The following IL13RA1 variants were observed in gnomAD, a reference collection of about 807,000 sequenced individuals.
The protein encoded by IL13RA1 is interleukin-13 receptor subunit alpha-1.
Under a neutral mutation model 33.8 loss-of-function variants are expected in IL13RA1, and 14 were observed. The ratio of observed to expected loss-of-function variants is 0.41; its 90% confidence interval spans 0.27 to 0.65. The LOEUF is 0.65. IL13RA1 is among the 30% of genes least tolerant of loss of function. The pLI is 0.28. For missense variants in IL13RA1, 313 were observed against 327.0 expected (o/e 0.96, Z 0.33); for synonymous variants, 116 against 115.7 (o/e 1.00, Z -0.02).
At chrX:118,803,878 CT>C in the IL13RA1 span, among the ~76,000 whole-genome samples, 1 of 89,414 alleles carries the variant, frequency 1.1e-5, no homozygotes, top group Non-Finnish European at 2.2e-5. Context: ...TCCTTCCTTC[CT>C]TCCTTCCTTC....
intron 10 of IL13RA1, among the ~76,000 whole-genome samples, chrX:118,784,149 G>GTATA (rs1569459460): frequency 1.5e-4 from 6 of 41,330 alleles, no homozygotes; most frequent in African/African-American, 5.0e-4. Flanking sequence ...ATATATATAC[G>GTATA]TATATACACA....
chrX:118,780,022 A>G (rs770990536), intron 10 of IL13RA1, among the ~76,000 whole-genome samples: 1 of 112,234 alleles, frequency 8.9e-6, no homozygotes, highest in Non-Finnish European at 1.9e-5. Flanking sequence ...TATACTGACA[A>G]TATGGACCAT....
the IL13RA1 span, among the ~76,000 whole-genome samples, chrX:118,803,249 TA>T: frequency 8.9e-6 from 1 of 112,365 alleles, no homozygotes; most frequent in African/African-American, 3.2e-5. Flanking sequence ...TATGGTGGAT[TA>T]AAAAAATATT....
intron 9 of IL13RA1, among the ~76,000 whole-genome samples, chrX:118,776,059 A>G (rs1252381262): frequency 9.0e-6 from 1 of 111,425 alleles, no homozygotes; most frequent in Non-Finnish European, 1.9e-5. Context: ...AATGGAGAGA[A>G]GTAGGAAGGA....
chrX:118,768,542 G>T (rs772852518), intron 8 of IL13RA1, among the ~76,000 whole-genome samples: 31 of 112,379 alleles, frequency 2.8e-4, no homozygotes, highest in Non-Finnish European at 4.7e-4. Context: ...ATGTTCGTAG[G>T]TTCCAACCCC....
chrX:118,740,362 C>G (rs888622108), intron 1 of IL13RA1, among the ~76,000 whole-genome samples: 1 of 112,183 alleles, frequency 8.9e-6, no homozygotes, highest in Non-Finnish European at 1.9e-5. Flanking sequence ...TCACTCTTCT[C>G]TATGGAAGTG....
intron 1 of IL13RA1, among the ~76,000 whole-genome samples, chrX:118,728,063 C>T (rs1285362282): frequency 8.9e-6 from 1 of 112,604 alleles, no homozygotes. Context: ...GCGGGGGGCC[C>T]GAAACATGCC....
chrX:118,798,182 ACTTCT>A (rs1171557964), downstream of IL13RA1, among the ~76,000 whole-genome samples: 5 of 111,593 alleles, frequency 4.5e-5, no homozygotes, highest in African/African-American at 1.6e-4. Flanking sequence ...ACATACTCAC[ACTTCT>A]CTTCCAAAAA....
Position 118,773,888 on chromosome X carries a change from G to T in IL13RA1, c.1019G>T (p.Arg340Leu), listed in dbSNP as rs777442248. Residue 340 changes from arginine (R) to leucine (L), a missense_variant, in exon 9 of 11, where the codon CGC (arginine) becomes CTC (leucine). Coordinates refer to ENST00000371666, the MANE Select transcript of IL13RA1 (RefSeq NM_001560.3). Reference sequence around the variant, plus strand: ...GCTTTTCATTCTCCAGGTAAGAAGCGCAATTCCACACTCTACATAACCATG... The same window carrying T: ...GCTTTTCATTCTCCAGGTAAGAAGCTCAATTCCACACTCTACATAACCATG... ...WSQEMSIGKK[R>L]NSTLYITMLL... is the part of the protein sequence containing the mutation. 4.0e-6 allele frequency: 4 copies of T among 992,554 alleles called. No homozygotes were observed. The highest frequency in any genetic ancestry group is 5.7e-6 in the Non-Finnish European group (4 of 697,484). The allele number at this position is 992,554 out of a possible 1,213,427, so 81.8% of individuals were successfully genotyped here. A position where few individuals can be genotyped will look rare whatever the true frequency, so the allele number is the denominator to read the frequency against.
intron 9 of IL13RA1, among the ~76,000 whole-genome samples, 183 bp downstream of exon 9, chrX:118,774,158 T>C (rs923216806): frequency 1.9e-5 from 2 of 107,621 alleles, no homozygotes; most frequent in Non-Finnish European, 3.8e-5. Flanking sequence ...TTTTCTTTTT[T>C]TTTTTTTTTT....
rs1200223891 is a variant in IL13RA1, at chrX:118,784,090, A to ATATATATATATATAT, written c.1191+7579_1191+7580insTATATATATATATAT. Among the ~76,000 whole-genome samples, 233 of 63,799 alleles carry ATATATATATATATAT rather than the reference A, an allele frequency of 3.7e-3. 6 individuals carry two copies. The highest frequency in any genetic ancestry group is 4.8e-3 in the Non-Finnish European group (189 of 39,323). 55.4% of individuals were successfully genotyped at this position (63,799 alleles called of 115,157 possible). On this transcript the variant is annotated intron_variant, in intron 10 of 10. Transcript: ENST00000371666. ...AGACTCTGTCGCCAAAAAAAAAAAA[A>ATATATATATATATAT]ATATATATATATATATATACGTATA...
rs139927088 is a variant in IL13RA1, at chrX:118,773,887, C to T, written c.1018C>T (p.Arg340Cys). The T allele has an allele frequency of 6.3e-4, 619 of 983,530 alleles. 4 individuals carry two copies. In the Middle Eastern group the frequency reaches 0.016, roughly 25 times the overall value. 81.1% of individuals were successfully genotyped at this position (983,530 alleles called of 1,213,427 possible). A position where few individuals can be genotyped will look rare whatever the true frequency, so the allele number is the denominator to read the frequency against. ...TGCTTTTCATTCTCCAGGTAAGAAG[C>T]GCAATTCCACACTCTACATAACCAT... ...WSQEMSIGKKRNSTLYITMLL... is the reference protein window; with the variant it reads ...WSQEMSIGKKCNSTLYITMLL... The change falls in exon 9 of 11, where the codon CGC becomes TGC. Residue 340 changes from arginine (R) to cysteine (C), a missense_variant. Physicochemically the swap from Arg to Cys is radical, Grantham distance 180 (BLOSUM62 -3). Transcript: ENST00000371666.
downstream of IL13RA1, among the ~76,000 whole-genome samples, chrX:118,799,040 C>T (rs750310287): frequency 2.4e-3 from 269 of 111,947 alleles, no homozygotes; most frequent in Middle Eastern, 0.014. Context: ...TGGCGGGGCC[C>T]GCACTCGGAG....
intron 10 of IL13RA1, among the ~76,000 whole-genome samples, chrX:118,777,524 T>C (rs1183913905): frequency 8.9e-6 from 1 of 112,057 alleles, no homozygotes; most frequent in East Asian, 2.8e-4. Context: ...GCCTCCTTTA[T>C]GAAGCTAGCC....
In IL13RA1 at chrX:118,791,863, AT is replaced by A; in HGVS notation, c.*12del. On this transcript the variant is annotated 3_prime_UTR_variant, in exon 11 of 11. Transcript: ENST00000371666. The stretch of plus-strand genomic sequence containing the variant: ...AGAAAGCCTCTCAGTGATGGAGATA[AT>A]TTATTTTTACCTTCACTGTGACCTT... The A allele has an allele frequency of 1.3e-6, 1 of 746,838 alleles. No homozygotes were observed. The highest frequency in any genetic ancestry group is 2.1e-6 in the Non-Finnish European group (1 of 481,445). 61.5% of individuals were successfully genotyped at this position (746,838 alleles called of 1,213,427 possible).
chrX:118,749,969 A>G (rs190111938), intron 4 of IL13RA1, among the ~76,000 whole-genome samples, 191 bp downstream of exon 4: 83 of 112,202 alleles, frequency 7.4e-4, no homozygotes, highest in African/African-American at 2.6e-3. Flanking sequence ...ATTTTTAAAT[A>G]TAGATCCTGT....
At chrX:118,738,686 G>A (rs2017309409) in intron 1 of IL13RA1, among the ~76,000 whole-genome samples, 1 of 110,669 alleles carries the variant, frequency 9.0e-6, no homozygotes, top group African/African-American at 3.3e-5. Flanking sequence ...TGAACATACA[G>A]GTGCATGTGT....
intron 4 of IL13RA1, 45 bp from the exon 5 acceptor site, chrX:118,758,010 C>T: frequency 1.1e-6 from 1 of 877,171 alleles, no homozygotes; most frequent in Non-Finnish European, 1.6e-6. Flanking sequence ...TTCTTGAATA[C>T]TCTGTTGAAT....
chrX:118,745,213 C>T (rs1442005638), intron 2 of IL13RA1, among the ~76,000 whole-genome samples: 1 of 111,568 alleles, frequency 9.0e-6, no homozygotes, highest in East Asian at 2.8e-4. Context: ...TCATCCCTGT[C>T]GGCAGAGCCT....
Sources: allele counts gnomAD v4.1 joint callset (sites outside exome capture counted in the v4.1 genomes callset), GRCh38; gene constraint gnomAD v4.1.1; transcripts MANE v1.5; gene names NCBI Gene and HGNC (gene_info 2026-07-23, HGNC 2026-07-21).